POR: variants seen among roughly 807,000 people sequenced by gnomAD.
The protein encoded by POR is cytochrome p450 oxidoreductase.
In POR, 56 loss-of-function variants were observed where a neutral mutation model predicts 84.0. The ratio of observed to expected loss-of-function variants is 0.67; its 90% CI spans 0.54 to 0.83. The LOEUF is 0.83. POR is among the 40% of genes least tolerant of loss of function. The pLI is 0.00. For synonymous variants in POR, 414 were observed against 400.5 expected, an observed-to-expected ratio of 1.03 and a Z score of -0.40; for missense variants, 938 against 944.3, an observed-to-expected ratio of 0.99 and a Z score of 0.09.
intron 1 of POR, among the ~76,000 whole-genome samples, chr7:75,943,327 T>C (rs1405516681): frequency 1.3e-5 from 2 of 152,160 alleles, no homozygotes; most frequent in African/African-American, 4.8e-5. Context: ...TCAGAAAAGA[T>C]TTAATATTCA....
chr7:75,980,924 C>A, intron 5 of POR, 124 bp from the exon 6 acceptor site: 1 of 1,249,450 alleles, frequency 8.0e-7, no homozygotes, highest in Non-Finnish European at 1.1e-6. Flanking sequence ...CCTGGTGGAA[C>A]GGAGGCCTGC....
intron 1 of POR, among the ~76,000 whole-genome samples, chr7:75,950,054 T>C (rs545451008): frequency 3.3e-5 from 5 of 150,862 alleles, no homozygotes; most frequent in Admixed American, 2.7e-4. Flanking sequence ...TTTTTTTAAG[T>C]AGAGACGGGG....
At chr7:75,972,791 G>A in intron 3 of POR, 1 of 379,692 alleles carries the variant, frequency 2.6e-6, no homozygotes, top group South Asian at 2.9e-5. Flanking sequence ...TGCGGTCGTG[G>A]CACCACTGCC....
intron 1 of POR, chr7:75,922,840 C>T: frequency 1.8e-6 from 1 of 547,102 alleles, no homozygotes; most frequent in East Asian, 3.6e-5. Flanking sequence ...CAAAGCCACC[C>T]AGTCAAAGTA....
intron 2 of POR, among the ~76,000 whole-genome samples, chr7:75,957,021 C>T (rs369045803): frequency 6.6e-6 from 1 of 152,172 alleles, no homozygotes; most frequent in African/African-American, 2.4e-5. Context: ...CCACCACACC[C>T]GGCCACAGCG....
At chr7:75,924,814 T>C (rs1807039548) in intron 1 of POR, among the ~76,000 whole-genome samples, 1 of 152,180 alleles carries the variant, frequency 6.6e-6, no homozygotes, top group Non-Finnish European at 1.5e-5. Context: ...GTGTCTGCGC[T>C]GGGTGTTTAT....
At chr7:75,951,634 A>G (rs1787427570) in intron 1 of POR, among the ~76,000 whole-genome samples, 1 of 152,194 alleles carries the variant, frequency 6.6e-6, no homozygotes, top group African/African-American at 2.4e-5. Context: ...CAGCTAGAAC[A>G]TAGTCTCTCA....
chr7:75,977,802 A>AG (rs1554557047), intron 3 of POR, among the ~76,000 whole-genome samples: 1 of 152,186 alleles, frequency 6.6e-6, no homozygotes, highest in Non-Finnish European at 1.5e-5. Flanking sequence ...AAAAAAGAAA[A>AG]GAAAAAAAGA....
At chr7:75,931,670 G>C (rs116356304) in intron 1 of POR, among the ~76,000 whole-genome samples, 2 of 151,926 alleles carry the variant, frequency 1.3e-5, no homozygotes, top group African/African-American at 4.8e-5. Flanking sequence ...CACCTGGCCT[G>C]TTTTTCCTTT....
At chr7:75,980,829 TG>T in intron 5 of POR, 1 of 1,181,386 alleles carries the variant, frequency 8.5e-7, no homozygotes, top group Non-Finnish European at 1.2e-6. Flanking sequence ...GGGTTGAGGC[TG>T]GCAGTGGACG....
chr7:75,986,269 G>C, intron 15 of POR, 28 bp downstream of exon 15: 1 of 1,612,632 alleles, frequency 6.2e-7, no homozygotes, highest in South Asian at 1.1e-5. Flanking sequence ...CTGGAATAGG[G>C]GGCAGGGAGG....
intron 1 of POR, among the ~76,000 whole-genome samples, chr7:75,921,000 A>G (rs559470160): frequency 1.3e-5 from 2 of 152,286 alleles, no homozygotes; most frequent in Admixed American, 6.5e-5. Context: ...TTGACTGCTC[A>G]TGAAACCACA....
chr7:75,968,297 G>A (rs782547298), intron 2 of POR: 5 of 467,908 alleles, frequency 1.1e-5, no homozygotes, highest in South Asian at 7.8e-5. Context: ...TCCCAGGGTT[G>A]CTGCCCCTGT....
At position 75,985,716 on chromosome 7, in the gene POR, G is replaced by C; in HGVS notation, c.1536G>C (p.Val512=). Residue 512 remains valine, a synonymous_variant, in exon 13 of 16, where the codon GTG becomes GTC. Transcript: ENST00000461988. ...GGGAGAACGGCGGCCGTGCGCTGGTGCCCATGTTCGTGCGCAAGTCCCAGT... is the reference window on the plus strand; with the variant it reads ...GGGAGAACGGCGGCCGTGCGCTGGTCCCCATGTTCGTGCGCAAGTCCCAGT... 1 of 1,587,948 alleles carries C rather than the reference G, an allele frequency of 6.3e-7. No homozygotes were observed. Among genetic ancestry groups the C allele is most frequent in the Non-Finnish European group, 8.6e-7 (1 of 1,168,978 alleles).
chr7:75,933,175 T>C (rs931807240), intron 1 of POR, among the ~76,000 whole-genome samples: 27 of 152,126 alleles, frequency 1.8e-4, no homozygotes, highest in Non-Finnish European at 2.8e-4. Context: ...TTAAATTTTT[T>C]AATTGACAAA....
At chr7:75,981,665 C>A in intron 7 of POR, 59 bp downstream of exon 7, 1 of 1,435,190 alleles carries the variant, frequency 7.0e-7, no homozygotes, top group Non-Finnish European at 9.6e-7. Flanking sequence ...CCGAGGGCAG[C>A]CACCCTGGAA....
chr7:75,935,404 GC>G (rs1209648368), intron 1 of POR, among the ~76,000 whole-genome samples: 1 of 152,042 alleles, frequency 6.6e-6, no homozygotes, highest in Non-Finnish European at 1.5e-5. Context: ...CCACCACCAT[GC>G]CCAGGTAATT....
At chr7:75,925,137 A>G (rs1554549310) in intron 1 of POR, among the ~76,000 whole-genome samples, 5 of 152,170 alleles carry the variant, frequency 3.3e-5, no homozygotes, top group Non-Finnish European at 1.5e-5. Flanking sequence ...CTCTGCCCAG[A>G]GCTTCCTAGA....
Position 75,986,575 on chromosome 7 carries a change from TTGGCATGG to T in POR, c.*95_*102del. 1 of 1,473,180 alleles carries T rather than the reference TTGGCATGG, an allele frequency of 6.8e-7. No homozygotes were observed. Among genetic ancestry groups the T allele is most frequent in the Non-Finnish European group, 9.1e-7 (1 of 1,096,444 alleles). 91.3% of individuals were successfully genotyped at this position (1,473,180 alleles called of 1,614,324 possible). ...TCTCCTGGGTGTGTTTGGCTTGGCC[TTGGCATGG>T]GCGCAGGCCCAGTGACAAAGACTCC... On this transcript the variant is annotated 3_prime_UTR_variant, in exon 16 of 16. Coordinates refer to ENST00000461988, the MANE Select transcript of POR (RefSeq NM_000941.3).
Sources: gnomAD v4.1 joint callset for allele counts (sites outside exome capture counted in the v4.1 genomes callset) on GRCh38, gnomAD v4.1.1 for gene constraint, MANE v1.5 for transcripts, NCBI Gene and HGNC (gene_info 2026-07-23, HGNC 2026-07-21) for gene names.